FGD5: variants seen among roughly 807,000 people sequenced by gnomAD.
FGD5 encodes the protein FYVE, RhoGEF and PH domain containing 5.
In FGD5, 28 loss-of-function variants were observed where a neutral mutation model predicts 133.4. That is an observed-to-expected ratio of 0.21 (90% CI 0.16 to 0.29). FGD5 has a LOEUF of 0.29. Among genes scored for constraint, FGD5 ranks in the 10% least tolerant of loss-of-function variants. The pLI is 1.00. For synonymous variants in FGD5, 810 were observed against 776.5 expected (o/e 1.04, Z -0.72); for missense variants, 1,858 against 1,895.2 (o/e 0.98, Z 0.36).
At chr3:14,924,890 G>A (rs1042197184) in intron 17 of FGD5, among the ~76,000 whole-genome samples, 3 of 151,844 alleles carry the variant, frequency 2.0e-5, no homozygotes, top group Admixed American at 6.6e-5. Flanking sequence ...TCACGAGGTC[G>A]GGAGATCCAG....
intron 1 of FGD5, among the ~76,000 whole-genome samples, chr3:14,826,010 A>G (rs79181766): frequency 9.9e-5 from 15 of 152,240 alleles, no homozygotes; most frequent in African/African-American, 3.1e-4. Context: ...TTTATGCAAA[A>G]CATGACACAG....
At chr3:14,861,755 G>C (rs2037402264) in intron 1 of FGD5, among the ~76,000 whole-genome samples, 1 of 152,148 alleles carries the variant, frequency 6.6e-6, no homozygotes, top group African/African-American at 2.4e-5. Flanking sequence ...CACAGCAGCA[G>C]CAGCAGGAGC....
chr3:14,865,628 T>C (rs549527380), intron 2 of FGD5, among the ~76,000 whole-genome samples: 2 of 152,218 alleles, frequency 1.3e-5, no homozygotes, highest in South Asian at 4.1e-4. Context: ...AGGTTGTCCA[T>C]GTTTGTCATC....
rs772443946 is a variant in FGD5 at position 14,923,066 on chromosome 3, G to A, written c.3828G>A (p.Ser1276=). ...TGCAGATCGTGTGCCGGAACTGTTC[G>A]CGGAACAAGTACCCGCTGAAGTACC... ...ACGKIVCRNC[S]RNKYPLKYLK... is the part of the protein sequence containing the mutation. The change falls in exon 16 of 20, where the codon TCG becomes TCA. Residue 1276 remains serine (S), a synonymous_variant. Transcript: ENST00000285046. 1.1e-5 allele frequency: 17 copies of A among 1,613,846 alleles called. No homozygotes were observed. Among genetic ancestry groups the A allele is most frequent in the East Asian group, 2.2e-5 (1 of 44,874 alleles).
At position 14,922,863 on chromosome 3, in the gene FGD5, G is replaced by A. The variant is rs1308094616; in HGVS notation, c.3808-183G>A. Among the ~76,000 whole-genome samples, 5 of 152,140 alleles carry A rather than the reference G, an allele frequency of 3.3e-5. No individual in the cohort carries two copies. Among genetic ancestry groups the A allele is most frequent in the East Asian group, 1.9e-4 (1 of 5,198 alleles). ...GGGCTCATCAGAAAAGCAGATAGGC[G>A]CTGGCTCAGAAACAAGATGAAGCCT... On this transcript the variant is annotated intron_variant, in intron 15 of 19. Transcript: ENST00000285046. The surrounding 1 kb of genome is among the most constrained non-coding windows in gnomAD (Gnocchi z 4.1).
chr3:14,833,746 C>A (rs34078176), intron 1 of FGD5, among the ~76,000 whole-genome samples: 11,441 of 152,234 alleles, frequency 0.075, 599 homozygotes, highest in Non-Finnish European at 0.12. Flanking sequence ...TTCTAAAAGG[C>A]CCCTCCTGGC....
chr3:14,812,239 G>A (rs2036306749), intron 1 of FGD5, among the ~76,000 whole-genome samples: 1 of 152,104 alleles, frequency 6.6e-6, no homozygotes, highest in Non-Finnish European at 1.5e-5. Flanking sequence ...GAGCAGGATC[G>A]GGGGTGCCAC....
intron 2 of FGD5, among the ~76,000 whole-genome samples, chr3:14,874,080 T>C (rs1045102987): frequency 6.8e-6 from 1 of 147,934 alleles, no homozygotes; most frequent in African/African-American, 2.5e-5. Flanking sequence ...GTGGTCTGTG[T>C]ATACAATGGA....
chr3:14,907,671 A>G lies in FGD5; in HGVS notation c.3296A>G (p.His1099Arg), dbSNP rs374707172. Residue 1099 changes from histidine (H) to arginine (R), a missense_variant, in exon 10 of 20, where the codon CAC becomes CGC. His to Arg is a conservative substitution (Grantham distance 29, BLOSUM62 0). Transcript: ENST00000285046. ...CTGCAGAAGCTGGTCCACATTGAGC[A>G]CAGCGTCCGGGGCCAAGGGGATCTC... ...ENLQKLVHIE[H>R]SVRGQGDLLQ... 6 of 1,613,624 alleles carry G rather than the reference A, an allele frequency of 3.7e-6. No homozygotes were observed. Among genetic ancestry groups the G allele is most frequent in the Non-Finnish European group, 4.2e-6 (5 of 1,179,760 alleles).
chr3:14,878,769 A>G lies in FGD5; in HGVS notation c.2659-1803A>G, dbSNP rs569130223. ...GAGACGGAGTCTCACACTGTCGCCCAGGCTGGAGTGCAATGGCGCAATCTC... is the reference window on the plus strand; with the variant it reads ...GAGACGGAGTCTCACACTGTCGCCCGGGCTGGAGTGCAATGGCGCAATCTC... On this transcript the variant is annotated intron_variant, in intron 2 of 19. Transcript: ENST00000285046. 5.6e-3 allele frequency among the ~76,000 whole-genome samples: 745 copies of G among 132,816 alleles called. 7 individuals are homozygous for G. The highest frequency in any genetic ancestry group is 0.02 in the African/African-American group (710 of 34,638). 87.1% of individuals were successfully genotyped at this position (132,816 alleles called of 152,430 possible). A position where few individuals can be genotyped will look rare whatever the true frequency, so the allele number is the denominator to read the frequency against.
chr3:14,815,943 C>A (rs2036362055), upstream of FGD5, among the ~76,000 whole-genome samples: 1 of 152,224 alleles, frequency 6.6e-6, no homozygotes, highest in Non-Finnish European at 1.5e-5. Context: ...TCAGATGAAG[C>A]CTTTCTTCTT....
chr3:14,915,412 T>C (rs1473535714), intron 11 of FGD5, among the ~76,000 whole-genome samples: 1 of 152,260 alleles, frequency 6.6e-6, no homozygotes, highest in Non-Finnish European at 1.5e-5. Context: ...TTTTCCTCCA[T>C]GCCTGCGTGG....
Position 14,922,661 on chromosome 3 carries a change from T to C in FGD5, c.3807+113T>C. On this transcript the variant is annotated intron_variant, in intron 15 of 19. Coordinates refer to ENST00000285046, the MANE Select transcript of FGD5 (RefSeq NM_152536.4). This position sits in a 1 kb window ranked among gnomAD's most constrained non-coding sequence, Gnocchi z 4.1. ...CCAGCAGCTACTGTAAGCCCCAGAG[T>C]GAGGCATGTTCACACCAACCCGAGA... The C allele has an allele frequency of 2.5e-5, 35 of 1,407,662 alleles. No individual in the cohort carries two copies. Among genetic ancestry groups the C allele is most frequent in the Non-Finnish European group, 3.1e-5 (33 of 1,048,494 alleles). 87.2% of individuals were successfully genotyped at this position (1,407,662 alleles called of 1,614,324 possible). A position where few individuals can be genotyped will look rare whatever the true frequency, so the allele number is the denominator to read the frequency against.
chr3:14,906,625 C>A (rs1296423637), intron 9 of FGD5, among the ~76,000 whole-genome samples: 1 of 152,232 alleles, frequency 6.6e-6, no homozygotes, highest in Non-Finnish European at 1.5e-5. Flanking sequence ...AGGACAGATT[C>A]CCTCGCGTCT....
chr3:14,846,574 C>T (rs2037056157), intron 1 of FGD5, among the ~76,000 whole-genome samples: 1 of 152,372 alleles, frequency 6.6e-6, no homozygotes, highest in Middle Eastern at 3.4e-3. Flanking sequence ...TCACACGGCA[C>T]CCCAGGTCCA....
chr3:14,859,360 C>T (rs945990526), intron 1 of FGD5, among the ~76,000 whole-genome samples: 1 of 152,028 alleles, frequency 6.6e-6, no homozygotes, highest in Non-Finnish European at 1.5e-5. Context: ...AGTTCGAGAC[C>T]AGCCTGGCCA....
intron 11 of FGD5, among the ~76,000 whole-genome samples, chr3:14,916,913 T>G (rs1244605965): frequency 6.6e-6 from 1 of 152,218 alleles, no homozygotes; most frequent in African/African-American, 2.4e-5. Flanking sequence ...TATAAGGTAT[T>G]CTGTGGTATA....
upstream of FGD5, among the ~76,000 whole-genome samples, chr3:14,816,704 G>A (rs185285627): frequency 3.9e-5 from 6 of 152,294 alleles, no homozygotes; most frequent in Admixed American, 2.0e-4. Flanking sequence ...ATGGATAGAC[G>A]CTTTTCTAAA....
rs1223337183 is a variant in FGD5 at position 14,922,491 on chromosome 3, C to T, written c.3750C>T (p.Asn1250=). The T allele has an allele frequency of 1.3e-6, 2 of 1,582,000 alleles. No individual in the cohort carries two copies. Among genetic ancestry groups the T allele is most frequent in the African/African-American group, 2.7e-5 (2 of 74,210 alleles). ...VPVTHVMMCM[N]CGCDFSLTLR... ...TCACACACGTCATGATGTGCATGAA[C>T]TGCGGCTGCGACTTCTCCCTCACCC... is the stretch of plus-strand genomic sequence containing the variant. The change falls in exon 15 of 20, where the codon AAC becomes AAT. Residue 1250 remains asparagine (N), a synonymous_variant. Coordinates refer to ENST00000285046, the MANE Select transcript of FGD5 (RefSeq NM_152536.4). The surrounding 1 kb of genome is among the most constrained non-coding windows in gnomAD (Gnocchi z 4.1).
Sources: gnomAD v4.1 joint callset for allele counts (sites outside exome capture counted in the v4.1 genomes callset) on GRCh38, gnomAD v4.1.1 for gene constraint, Gnocchi (gnomAD v3.1) non-coding constraint, MANE v1.5 for transcripts, NCBI Gene and HGNC (gene_info 2026-07-23, HGNC 2026-07-21) for gene names.